The following RPS6KC1 variants were observed in gnomAD, a reference collection of about 807,000 sequenced individuals.
The protein encoded by RPS6KC1 is ribosomal protein S6 kinase C1.
In RPS6KC1, 54 loss-of-function variants were observed where a neutral mutation model predicts 103.8. The ratio of observed to expected loss-of-function variants is 0.52; its 90% CI spans 0.42 to 0.65. The LOEUF is 0.65. RPS6KC1 is among the 30% of genes least tolerant of loss of function. RPS6KC1 has a pLI of 0.00. For missense variants in RPS6KC1, 1,151 were observed against 1,253.8 expected (o/e 0.92, Z 1.24); for synonymous variants, 439 against 438.7 (o/e 1.00, Z -0.01).
intron 13 of RPS6KC1, 22 bp from the exon 14 acceptor site, chr1:213,262,699 T>C (rs2094825790): frequency 7.1e-7 from 1 of 1,415,762 alleles, no homozygotes; most frequent in African/African-American, 1.4e-5. Context: ...GGATAAGAAG[T>C]GTACCTGATT....
intron 3 of RPS6KC1, among the ~76,000 whole-genome samples, chr1:213,094,111 T>C (rs1364688183): frequency 1.3e-5 from 2 of 150,846 alleles, no homozygotes; most frequent in Non-Finnish European, 2.9e-5. Context: ...GAGAATAGTA[T>C]AGTGAACACA....
At chr1:213,315,948 T>C in the RPS6KC1 span, among the ~76,000 whole-genome samples, 1 of 152,290 alleles carries the variant, frequency 6.6e-6, no homozygotes, top group African/African-American at 2.4e-5. Flanking sequence ...TTCATTTATT[T>C]AAGAAATACT....
chr1:213,681,180 C>T, the RPS6KC1 span, among the ~76,000 whole-genome samples: 13 of 152,160 alleles, frequency 8.5e-5, no homozygotes, highest in Non-Finnish European at 1.2e-4. Context: ...TAGGAGCCCC[C>T]ACCTCTGCTC....
At chr1:213,172,067 A>G (rs1324131219) in intron 7 of RPS6KC1, among the ~76,000 whole-genome samples, 1 of 152,140 alleles carries the variant, frequency 6.6e-6, no homozygotes, top group African/African-American at 2.4e-5. Context: ...GGTTGGTGAA[A>G]CAGCAGCATC....
the RPS6KC1 span, among the ~76,000 whole-genome samples, chr1:213,308,938 G>C: frequency 6.6e-6 from 1 of 152,220 alleles, no homozygotes; most frequent in Admixed American, 6.5e-5. Flanking sequence ...TTAGAGAACT[G>C]TTCCAGTCAT....
At chr1:213,328,462 G>A in the RPS6KC1 span, among the ~76,000 whole-genome samples, 4,950 of 145,578 alleles carry the variant, frequency 0.034, 111 homozygotes, top group Middle Eastern at 0.064. Flanking sequence ...TGAATTCATC[G>A]TCTGTGTTCA....
chr1:213,151,896 C>T (rs1433286346), intron 6 of RPS6KC1, among the ~76,000 whole-genome samples: 1 of 122,066 alleles, frequency 8.2e-6, no homozygotes, highest in Non-Finnish European at 1.8e-5. Context: ...CCCAACCTCC[C>T]TCCAAGACGG....
chr1:213,751,166 C>A, the RPS6KC1 span, among the ~76,000 whole-genome samples: 1 of 152,064 alleles, frequency 6.6e-6, no homozygotes, highest in African/African-American at 2.4e-5. Flanking sequence ...GTATCTGGCC[C>A]AAAGTGCCTG....
the RPS6KC1 span, among the ~76,000 whole-genome samples, chr1:213,549,726 G>T: frequency 8.1e-5 from 12 of 148,798 alleles, no homozygotes; most frequent in Non-Finnish European, 1.2e-4. Context: ...TTCAGTAGAA[G>T]TGTGACCCTG....
chr1:213,083,267 G>A (rs898113503), intron 3 of RPS6KC1, among the ~76,000 whole-genome samples: 1 of 152,198 alleles, frequency 6.6e-6, no homozygotes, highest in African/African-American at 2.4e-5. Context: ...ATGACTCAGA[G>A]GGTGGAACCA....
At chr1:213,125,579 CT>C (rs2084888373) in intron 5 of RPS6KC1, among the ~76,000 whole-genome samples, 1 of 151,220 alleles carries the variant, frequency 6.6e-6, no homozygotes. Flanking sequence ...TTTTATTTCT[CT>C]TTGCTTCTTC....
Position 213,163,669 on chromosome 1 carries a change from C to A in RPS6KC1, c.836-4189C>A, listed in dbSNP as rs568836035. Among the ~76,000 whole-genome samples, 26 of 151,768 alleles carry A rather than the reference C, an allele frequency of 1.7e-4. No homozygotes were observed. The South Asian group carries it at 4.0e-3, about 23-fold the overall frequency. The stretch of plus-strand genomic sequence containing the variant: ...TTTATTAGTTCCATGAGTAAAAATG[C>A]CTCTTGATTTTTTTTTTTTAAATGG... On this transcript the variant is annotated intron_variant, in intron 6 of 14. Transcript: ENST00000366960.
At chr1:213,816,685 G>C in the RPS6KC1 span, among the ~76,000 whole-genome samples, 1 of 152,014 alleles carries the variant, frequency 6.6e-6, no homozygotes, top group African/African-American at 2.4e-5. Flanking sequence ...TCAAATGCCC[G>C]ATGGTGACTG....
At chr1:213,524,230 T>A in the RPS6KC1 span, among the ~76,000 whole-genome samples, 1 of 152,162 alleles carries the variant, frequency 6.6e-6, no homozygotes, top group Non-Finnish European at 1.5e-5. Flanking sequence ...AACCCAGGCA[T>A]GCTGCCAGAC....
At position 213,190,401 on chromosome 1, in the gene RPS6KC1, C is replaced by T. The variant is rs141489638; in HGVS notation, c.1044+13909C>T. ...TTTTGATTTGCATTTCTCTGATGAT[C>T]AATGATGTTGAACAGCTTTTTATAT... On this transcript the variant is annotated intron_variant, in intron 8 of 14. Coordinates refer to ENST00000366960, the MANE Select transcript of RPS6KC1 (RefSeq NM_012424.6). Among the ~76,000 whole-genome samples, 473 of 152,266 alleles carry T rather than the reference C, an allele frequency of 3.1e-3. 4 individuals carry two copies. The highest frequency in any genetic ancestry group is 8.5e-3 in the Admixed American group (130 of 15,292).
chr1:213,788,712 T>A, the RPS6KC1 span, among the ~76,000 whole-genome samples: 1 of 152,142 alleles, frequency 6.6e-6, no homozygotes, highest in Non-Finnish European at 1.5e-5. Context: ...ACAAAATCTC[T>A]CTTAACATTC....
chr1:213,446,189 C>T, the RPS6KC1 span, among the ~76,000 whole-genome samples: 1 of 152,220 alleles, frequency 6.6e-6, no homozygotes, highest in Non-Finnish European at 1.5e-5. Flanking sequence ...GTCTTCCCCA[C>T]GAGGGTGTCC....
chr1:213,231,617 T>TA (rs2094106550), intron 9 of RPS6KC1, among the ~76,000 whole-genome samples: 1 of 152,202 alleles, frequency 6.6e-6, no homozygotes, highest in Admixed American at 6.5e-5. Flanking sequence ...GACATTTCTT[T>TA]AAAAACAGAG....
the RPS6KC1 span, among the ~76,000 whole-genome samples, chr1:213,311,903 T>C: frequency 6.6e-6 from 1 of 150,642 alleles, no homozygotes; most frequent in Non-Finnish European, 1.5e-5. Context: ...CTTTTTTTTT[T>C]TTTTTTTTTC....
Sources: gnomAD v4.1 joint callset for allele counts (sites outside exome capture counted in the v4.1 genomes callset) on GRCh38, gnomAD v4.1.1 for gene constraint, MANE v1.5 for transcripts, NCBI Gene and HGNC (gene_info 2026-07-23, HGNC 2026-07-21) for gene names.